The following CORIN variants were observed in gnomAD, a reference collection of about 807,000 sequenced individuals.
The protein encoded by CORIN is corin, serine peptidase, also known as atrial natriuretic peptide-converting enzyme.
In CORIN, 117 loss-of-function variants were observed where a neutral mutation model predicts 125.3. That is an observed-to-expected ratio of 0.93 (90% CI 0.80 to 1.09). The LOEUF (loss-of-function observed/expected upper bound fraction) is 1.09. Among genes scored for constraint, CORIN ranks in the 50% least tolerant of loss-of-function variants. CORIN has a pLI of 0.00. For synonymous variants in CORIN, 450 were observed against 466.4 expected (o/e 0.96, Z 0.45); for missense variants, 1,253 against 1,306.7 (o/e 0.96, Z 0.63).
At chr4:47,744,665 CCT>C (rs1379544538) in intron 4 of CORIN, 82 bp from the exon 5 acceptor site, 38 of 1,310,580 alleles carry the variant, frequency 2.9e-5, no homozygotes, top group Non-Finnish European at 3.4e-5. Flanking sequence ...AAAGTTAGCC[CCT>C]GTGTTGTGAT....
chr4:47,731,538 C>T (rs1330821797), intron 5 of CORIN, among the ~76,000 whole-genome samples: 1 of 152,068 alleles, frequency 6.6e-6, no homozygotes, highest in Non-Finnish European at 1.5e-5. Flanking sequence ...AATTGGAAGT[C>T]AGGTGAAGAG....
At chr4:47,772,512 T>C (rs113135611) in intron 3 of CORIN, among the ~76,000 whole-genome samples, 23 of 152,338 alleles carry the variant, frequency 1.5e-4, no homozygotes, top group African/African-American at 5.3e-4. Flanking sequence ...TATGAATGAA[T>C]GATAACAATA....
At chr4:47,744,638 GA>G (rs1332839147) in intron 4 of CORIN, 55 bp from the exon 5 acceptor site, 4 of 1,463,172 alleles carry the variant, frequency 2.7e-6, no homozygotes, top group Non-Finnish European at 3.7e-6. Flanking sequence ...AATAGGTTTT[GA>G]AATAATAGTG....
In CORIN at chr4:47,628,230, G is replaced by A. The variant is rs544620069; in HGVS notation, c.2199-1709C>T. On this transcript the variant is annotated intron_variant, in intron 16 of 21. Coordinates refer to ENST00000273857, the MANE Select transcript of CORIN (RefSeq NM_006587.4). ...CCCATTTAAAAAAGTCAGTGAATTT[G>A]TTTGGTTGTATTTCTGCCATCGTAC... Among the ~76,000 whole-genome samples, 3 of 152,250 alleles carry A rather than the reference G, an allele frequency of 2.0e-5. No homozygotes were observed. The East Asian group carries it at 5.8e-4, about 29-fold the overall frequency.
chr4:47,647,985 G>A (rs932738914), intron 13 of CORIN, among the ~76,000 whole-genome samples: 1 of 152,130 alleles, frequency 6.6e-6, no homozygotes, highest in Non-Finnish European at 1.5e-5. Flanking sequence ...ACCTCTCCAT[G>A]TCTTCTCTTT....
intron 16 of CORIN, among the ~76,000 whole-genome samples, chr4:47,629,414 T>A (rs978500709): frequency 6.6e-6 from 1 of 152,206 alleles, no homozygotes; most frequent in Non-Finnish European, 1.5e-5. Context: ...TTGAATTATT[T>A]TAGTTCCTTA....
intron 7 of CORIN, chr4:47,683,313 T>C (rs2109720014): frequency 6.1e-6 from 1 of 162,852 alleles, no homozygotes; most frequent in Middle Eastern, 3.0e-3. Flanking sequence ...TATTTGAGGA[T>C]TAAATAAAGG....
intron 2 of CORIN, among the ~76,000 whole-genome samples, chr4:47,791,471 A>G (rs999312335): frequency 2.0e-5 from 3 of 152,192 alleles, no homozygotes; most frequent in Non-Finnish European, 4.4e-5. Flanking sequence ...TTGTTACAGG[A>G]GCAATAAAAA....
chr4:47,618,404 C>G (rs1722158458), intron 19 of CORIN, among the ~76,000 whole-genome samples: 1 of 151,054 alleles, frequency 6.6e-6, no homozygotes, highest in Non-Finnish European at 1.5e-5. Context: ...AAAATGTGAT[C>G]TTGACTTTGG....
intron 14 of CORIN, among the ~76,000 whole-genome samples, chr4:47,644,334 CT>C (rs1723373161): frequency 6.6e-6 from 1 of 152,164 alleles, no homozygotes; most frequent in Admixed American, 6.5e-5. Context: ...TGAAGCTGAA[CT>C]GAAAAAATCA....
intron 16 of CORIN, among the ~76,000 whole-genome samples, chr4:47,630,923 G>A (rs749198487): frequency 2.6e-5 from 4 of 152,098 alleles, no homozygotes; most frequent in Admixed American, 1.3e-4. Flanking sequence ...GTCTGAGACC[G>A]CACTTTGAAA....
chr4:47,821,637 T>A (rs1203841161), intron 1 of CORIN, among the ~76,000 whole-genome samples: 1 of 136,706 alleles, frequency 7.3e-6, no homozygotes, highest in Admixed American at 7.1e-5. Flanking sequence ...ATCACATTTT[T>A]AAATTTTGTT....
intron 13 of CORIN, among the ~76,000 whole-genome samples, chr4:47,648,564 T>A (rs1181930911): frequency 6.6e-6 from 1 of 151,908 alleles, no homozygotes; most frequent in Non-Finnish European, 1.5e-5. Flanking sequence ...CACCCCCAAA[T>A]GGAATACCTT....
rs1730673138 is a variant in CORIN, at chr4:47,784,075, T to C, written c.409+2650A>G. Among the ~76,000 whole-genome samples the C allele has an allele frequency of 4.6e-5, 7 of 152,138 alleles. 1 individual carries two copies. The highest frequency in any genetic ancestry group is 4.6e-4 in the Admixed American group (7 of 15,274). ...TACTGGATACATCAACTAATTTCTCTAAGCCTCAAATTCACACCGTGAAAA... is the reference window on the plus strand; with the variant it reads ...TACTGGATACATCAACTAATTTCTCCAAGCCTCAAATTCACACCGTGAAAA... On this transcript the variant is annotated intron_variant, in intron 3 of 21. Transcript: ENST00000273857.
chr4:47,790,166 C>T, intron 2 of CORIN: 1 of 966,062 alleles, frequency 1.0e-6, no homozygotes, highest in Non-Finnish European at 1.2e-6. Context: ...CTACCACTTG[C>T]CCTGAAACTT....
intron 3 of CORIN, among the ~76,000 whole-genome samples, chr4:47,769,961 T>A (rs1283387194): frequency 1.3e-5 from 2 of 152,140 alleles, no homozygotes; most frequent in African/African-American, 4.8e-5. Context: ...GGTTAATAAT[T>A]TTTTGAATAT....
At chr4:47,651,635 T>C (rs1429318508) in intron 13 of CORIN, among the ~76,000 whole-genome samples, 8 of 152,230 alleles carry the variant, frequency 5.3e-5, no homozygotes, top group Non-Finnish European at 8.8e-5. Context: ...CCAAATGTAT[T>C]ATTTCTTACC....
At chr4:47,739,002 C>A (rs762977202) in intron 5 of CORIN, among the ~76,000 whole-genome samples, 9 of 151,156 alleles carry the variant, frequency 6.0e-5, no homozygotes, top group Non-Finnish European at 1.0e-4. Flanking sequence ...GATAAGTAAG[C>A]TGAGATTATC....
chr4:47,818,887 A>G (rs923331706), intron 1 of CORIN, among the ~76,000 whole-genome samples: 2 of 151,964 alleles, frequency 1.3e-5, no homozygotes, highest in African/African-American at 4.8e-5. Flanking sequence ...AGAAAAAAAA[A>G]AAAAAAAAAG....
Sources: allele counts gnomAD v4.1 joint callset (sites outside exome capture counted in the v4.1 genomes callset), GRCh38; gene constraint gnomAD v4.1.1; transcripts MANE v1.5; gene names NCBI Gene and HGNC (gene_info 2026-07-23, HGNC 2026-07-21).